Variants in NAALADL2 observed in about 807,000 individuals in gnomAD.
NAALADL2 encodes the protein inactive N-acetylated-alpha-linked acidic dipeptidase-like protein 2.
NAALADL2 carries 76 observed loss-of-function variants against 87.2 expected under a neutral mutation model. The observed-to-expected ratio is 0.87, with a 90% CI of 0.72 to 1.05. The LOEUF is 1.05. Among genes scored for constraint, NAALADL2 ranks in the 50% least tolerant of loss-of-function variants. The pLI, the probability that NAALADL2 is intolerant of heterozygous loss-of-function variation, is 0.00. For synonymous variants in NAALADL2, 354 were observed against 331.0 expected (o/e 1.07, Z -0.75); for missense variants, 1,089 against 945.8 (o/e 1.15, Z -1.99).
intron 2 of NAALADL2, among the ~76,000 whole-genome samples, chr3:174,700,224 CCA>C (rs1729425258): frequency 3.1e-5 from 4 of 130,468 alleles, no homozygotes; most frequent in African/African-American, 1.1e-4. Context: ...AGATTTTTTG[CCA>C]CAGTTTTTTT....
intron 2 of NAALADL2, among the ~76,000 whole-genome samples, chr3:175,229,011 A>G (rs1386173120): frequency 6.6e-6 from 1 of 151,966 alleles, no homozygotes; most frequent in Non-Finnish European, 1.5e-5. Flanking sequence ...CACCAAATTA[A>G]AGAAATAAAA....
Position 174,778,330 on chromosome 3 carries a change from T to G in NAALADL2, c.-9+40584T>G, listed in dbSNP as rs149115203. 2.5e-3 allele frequency among the ~76,000 whole-genome samples: 386 copies of G among 152,124 alleles called. 3 individuals are homozygous for G. Among genetic ancestry groups the G allele is most frequent in the African/African-American group, 8.9e-3 (371 of 41,508 alleles). On this transcript the variant is annotated intron_variant, in intron 3 of 3. Transcript: ENST00000434257. ...CTATTATACACAAGCAGGCAGAACCTTAGGGTAATTATGAAGGGTTTACAT... is the reference window on the plus strand; with the variant it reads ...CTATTATACACAAGCAGGCAGAACCGTAGGGTAATTATGAAGGGTTTACAT...
At chr3:174,479,510 C>G (rs1376168704) in intron 1 of NAALADL2, among the ~76,000 whole-genome samples, 1 of 152,066 alleles carries the variant, frequency 6.6e-6, no homozygotes, top group Admixed American at 6.6e-5. Context: ...TACCTCTTAT[C>G]CATTATGCAC....
chr3:175,629,682 A>G (rs1456678326), intron 11 of NAALADL2, among the ~76,000 whole-genome samples: 1 of 151,706 alleles, frequency 6.6e-6, no homozygotes, highest in Non-Finnish European at 1.5e-5. Flanking sequence ...GTATAAACAT[A>G]TACTAATTCT....
At chr3:174,899,664 C>G (rs925648735) in intron 1 of NAALADL2, among the ~76,000 whole-genome samples, 10 of 152,148 alleles carry the variant, frequency 6.6e-5, no homozygotes, top group Admixed American at 5.2e-4. Context: ...CCAATTCCAC[C>G]TCTTTGCTTT....
At chr3:175,800,944 A>C (rs1437144849) in intron 13 of NAALADL2, among the ~76,000 whole-genome samples, 1 of 152,176 alleles carries the variant, frequency 6.6e-6, no homozygotes, top group Non-Finnish European at 1.5e-5. Context: ...AAAGCGAATG[A>C]CTTACAGGGT....
At chr3:174,558,994 G>C (rs150098263) in intron 2 of NAALADL2, among the ~76,000 whole-genome samples, 1 of 152,130 alleles carries the variant, frequency 6.6e-6, no homozygotes, top group Non-Finnish European at 1.5e-5. Flanking sequence ...GGGACATTCA[G>C]TTCAGAATGA....
chr3:175,740,011 A>G (rs1745023062), intron 12 of NAALADL2, among the ~76,000 whole-genome samples: 1 of 152,160 alleles, frequency 6.6e-6, no homozygotes, highest in African/African-American at 2.4e-5. Context: ...TGAAATTACT[A>G]GGGGATTACA....
intron 9 of NAALADL2, among the ~76,000 whole-genome samples, chr3:175,519,852 A>C (rs1207094801): frequency 1.3e-5 from 2 of 152,200 alleles, no homozygotes; most frequent in African/African-American, 2.4e-5. Flanking sequence ...CTTTTCTATT[A>C]TCTCTGAAAC....
At chr3:174,616,819 A>T (rs1392429609) in intron 2 of NAALADL2, among the ~76,000 whole-genome samples, 2 of 151,854 alleles carry the variant, frequency 1.3e-5, no homozygotes, top group African/African-American at 4.8e-5. Flanking sequence ...TATAATAGAA[A>T]TATATCTGGT....
At chr3:174,582,577 T>A (rs1242051901) in intron 2 of NAALADL2, among the ~76,000 whole-genome samples, 1 of 152,238 alleles carries the variant, frequency 6.6e-6, no homozygotes, top group Non-Finnish European at 1.5e-5. Flanking sequence ...CATTTATTTC[T>A]AGACTTCATT....
At chr3:175,437,637 T>C (rs960914867) in intron 5 of NAALADL2, among the ~76,000 whole-genome samples, 5 of 150,480 alleles carry the variant, frequency 3.3e-5, no homozygotes, top group South Asian at 4.3e-4. Flanking sequence ...GAGCCCGCAT[T>C]GCCAAGTCAA....
At chr3:174,763,081 G>C (rs113304444) in intron 3 of NAALADL2, among the ~76,000 whole-genome samples, 1,642 of 152,012 alleles carry the variant, frequency 0.011, 19 homozygotes, top group Middle Eastern at 0.027. Flanking sequence ...AGTTGTGTTT[G>C]AGTTACCACA....
chr3:174,485,856 T>C (rs914519297), intron 1 of NAALADL2, among the ~76,000 whole-genome samples: 15 of 152,044 alleles, frequency 9.9e-5, no homozygotes, highest in Admixed American at 6.6e-5. Flanking sequence ...TCCAGGGTTT[T>C]ATAGTTTTGG....
intron 2 of NAALADL2, among the ~76,000 whole-genome samples, chr3:174,596,872 A>T (rs1340969152): frequency 6.6e-6 from 1 of 152,182 alleles, no homozygotes; most frequent in Non-Finnish European, 1.5e-5. Flanking sequence ...ATGGCCAGTC[A>T]GTGATGGAGG....
chr3:174,840,286 AT>A (rs1723872855), intron 3 of NAALADL2, among the ~76,000 whole-genome samples: 1 of 151,670 alleles, frequency 6.6e-6, no homozygotes, highest in Admixed American at 6.6e-5. Context: ...TAATTGTGTT[AT>A]TTTTTCATTA....
At position 174,840,195 on chromosome 3, in the gene NAALADL2, A is replaced by ATG. The variant is rs566949325; in HGVS notation, c.-9+102459_-9+102460dup. On this transcript the variant is annotated intron_variant, in intron 3 of 3. Coordinates refer to the NAALADL2 transcript ENST00000434257. ...TATGAGATGTATGATACATATAAAT[A>ATG]TGTGTGTGTGTATATATATATAGTC... Among the ~76,000 whole-genome samples, 38 of 151,684 alleles carry ATG rather than the reference A, an allele frequency of 2.5e-4. No homozygotes were observed. In the East Asian group the frequency reaches 5.2e-3, roughly 21 times the overall value.
At chr3:175,401,509 T>C (rs1770560835) in intron 5 of NAALADL2, among the ~76,000 whole-genome samples, 1 of 152,162 alleles carries the variant, frequency 6.6e-6, no homozygotes, top group Admixed American at 6.6e-5. Flanking sequence ...AGTCATTGTG[T>C]ACCTATCAGA....
At chr3:175,264,604 GT>G (rs1325485867) in intron 4 of NAALADL2, among the ~76,000 whole-genome samples, 4 of 151,524 alleles carry the variant, frequency 2.6e-5, no homozygotes, top group African/African-American at 7.3e-5. Flanking sequence ...AAAAACTGAA[GT>G]CTTCAAATTG....
Sources: gnomAD v4.1 joint callset for allele counts (sites outside exome capture counted in the v4.1 genomes callset) on GRCh38, gnomAD v4.1.1 for gene constraint, MANE v1.5 for transcripts, NCBI Gene and HGNC (gene_info 2026-07-23, HGNC 2026-07-21) for gene names.